OTOG: variants seen among roughly 807,000 people sequenced by gnomAD.
OTOG encodes the protein otogelin.
OTOG carries 296 observed loss-of-function variants against 313.8 expected under a neutral mutation model. The observed-to-expected ratio is 0.94, with a 90% CI of 0.86 to 1.04. The LOEUF is 1.04. OTOG is among the 50% of genes least tolerant of loss of function. The pLI is 0.00. For synonymous variants in OTOG, 1,533 were observed against 1,554.9 expected (o/e 0.99, Z 0.33); for missense variants, 3,948 against 3,840.1 (o/e 1.03, Z -0.74).
intron 53 of OTOG, among the ~76,000 whole-genome samples, chr11:17,642,790 A>C (rs1355104507): frequency 6.6e-6 from 1 of 152,198 alleles, no homozygotes; most frequent in Non-Finnish European, 1.5e-5. Context: ...AATAGTGGAC[A>C]TTTGAAGATT....
chr11:17,638,522 G>A lies in OTOG; in HGVS notation c.7867G>A (p.Asp2623Asn), dbSNP rs183470913. The A allele has an allele frequency of 4.5e-4, 698 of 1,550,386 alleles. 5 individuals carry two copies. In the African/African-American group the frequency reaches 8.5e-3, roughly 19 times the overall value. The change falls in exon 48 of 56, where the codon GAC becomes AAC. Residue 2623 changes from aspartate (D) to asparagine (N), a missense_variant. Physicochemically the swap from Asp to Asn is conservative, Grantham distance 23. Coordinates refer to ENST00000399397, the MANE Select transcript of OTOG (RefSeq NM_001292063.2). ...GTALVEVWSP[D>N]RCCPYKSCEC... ...TGCCCTGGTGGAGGTGTGGAGCCCC[G>A]ACCGCTGCTGCCCCTACAAATCCTG...
chr11:17,603,203 G>A (rs552410434), intron 32 of OTOG, among the ~76,000 whole-genome samples: 4 of 152,238 alleles, frequency 2.6e-5, no homozygotes, highest in African/African-American at 7.2e-5. Context: ...GCAGAATCAC[G>A]TAGTTGCACA....
At chr11:17,642,277 G>A (rs976346651) in intron 53 of OTOG, 31 bp downstream of exon 53, 5 of 1,531,026 alleles carry the variant, frequency 3.3e-6, no homozygotes, top group Non-Finnish European at 3.5e-6. Flanking sequence ...TGAGGCTGTA[G>A]GCCAGGGGCA....
chr11:17,576,063 A>T (rs1852517423), intron 20 of OTOG, among the ~76,000 whole-genome samples: 1 of 152,226 alleles, frequency 6.6e-6, no homozygotes, highest in East Asian at 1.9e-4. Flanking sequence ...CAATGAGATT[A>T]TGTATGCAGA....
chr11:17,611,593 G>A (rs933531125), intron 36 of OTOG, among the ~76,000 whole-genome samples, 170 bp downstream of exon 36: 8 of 152,236 alleles, frequency 5.3e-5, no homozygotes, highest in African/African-American at 1.7e-4. Flanking sequence ...GCAGGGTTCC[G>A]CCTGGCCCAT....
intron 2 of OTOG, 72 bp from the exon 3 acceptor site, chr11:17,548,080 T>C: frequency 6.9e-7 from 1 of 1,456,962 alleles, no homozygotes. Flanking sequence ...TAGGGTGGGA[T>C]AGGCCAGGGG....
rs574007567 is a variant in OTOG, at chr11:17,553,120, C to G, written c.294C>G (p.Tyr98Ter). ...RLHRAKCAPS[Y>*]LFSCFNGGEC... ...AATGACTCTGTGTCTCCCATGCAGA[C>G]TTGTTCTCCTGCTTCAATGGAGGCG... The change falls in exon 5 of 56, where the codon TAC (tyrosine) becomes TAG (stop). Residue 98 changes from tyrosine (Y) to a stop codon, truncating the protein, a stop_gained and splice_region_variant. Transcript: ENST00000399397. LOFTEE classifies it high-confidence loss of function. The G allele has an allele frequency of 6.1e-5, 95 of 1,550,528 alleles. 1 individual carries two copies. In the East Asian group the frequency reaches 2.2e-3, roughly 36 times the overall value.
Position 17,638,565 on chromosome 11 carries a change from GGACAGCC to G in OTOG, c.7894+17_7894+23del. 1 of 1,548,116 alleles carries G rather than the reference GGACAGCC, an allele frequency of 6.5e-7. No homozygotes were observed. The highest frequency in any genetic ancestry group is 8.7e-7 in the Non-Finnish European group (1 of 1,145,048). On this transcript the variant is annotated intron_variant, in intron 48 of 55. Transcript: ENST00000399397. Reference sequence around the variant, plus strand: ...AAATCCTGTGGTGAGTCCGTGGTCAGGACAGCCTCCCCGCTGGGAGATCCAGTGGCCC... The same window carrying G: ...AAATCCTGTGGTGAGTCCGTGGTCAGTCCCCGCTGGGAGATCCAGTGGCCC...
chr11:17,617,150 A>G (rs1173995759), intron 39 of OTOG, among the ~76,000 whole-genome samples: 1 of 152,136 alleles, frequency 6.6e-6, no homozygotes, highest in Non-Finnish European at 1.5e-5. Flanking sequence ...TAATTTGATG[A>G]ATTACATTGA....
chr11:17,610,031 C>T lies in OTOG; in HGVS notation c.4731C>T (p.Pro1577=), dbSNP rs1368595150. 5.8e-6 allele frequency: 9 copies of T among 1,548,922 alleles called. No individual in the cohort carries two copies. The South Asian group carries it at 1.1e-4, about 18-fold the overall frequency. The change falls in exon 36 of 56, where the codon CCC becomes CCT. Residue 1577 remains proline (P), a synonymous_variant. Coordinates refer to ENST00000399397, the MANE Select transcript of OTOG (RefSeq NM_001292063.2). ...CCCTCCCTGTTGCACTGCAGACACC[C>T]ACACCTGGCATGGTGTCAGGTGCCA... ...SSSLPVALQT[P]TPGMVSGAME... is the part of the protein sequence containing the mutation.
intron 16 of OTOG, 102 bp from the exon 17 acceptor site, chr11:17,570,111 T>G: frequency 9.1e-7 from 1 of 1,097,126 alleles, no homozygotes; most frequent in Admixed American, 2.2e-5. Flanking sequence ...GGGCGAAGAC[T>G]GGGCCGGGCG....
rs1428797637 is a variant in OTOG at position 17,569,152 on chromosome 11, C to T, written c.1645-4C>T. The T allele has an allele frequency of 7.7e-6, 12 of 1,550,490 alleles. 1 individual carries two copies. The Admixed American group carries it at 1.6e-4, about 20-fold the overall frequency. Reference sequence around the variant, plus strand: ...CTGCCCCATTGACCTTTCTATCTCTCCAGAACCAAGATGGAGCCTGTGTCC... The same window carrying T: ...CTGCCCCATTGACCTTTCTATCTCTTCAGAACCAAGATGGAGCCTGTGTCC... On this transcript the variant is annotated splice_region_variant and splice_polypyrimidine_tract_variant and intron_variant, in intron 15 of 55. Coordinates refer to ENST00000399397, the MANE Select transcript of OTOG (RefSeq NM_001292063.2).
At chr11:17,643,923 A>C (rs1456623851) in intron 54 of OTOG, among the ~76,000 whole-genome samples, 1 of 152,336 alleles carries the variant, frequency 6.6e-6, no homozygotes, top group East Asian at 1.9e-4. Context: ...GGTCCCTGAC[A>C]GTCCCCGTTA....
In OTOG at chr11:17,559,610, A is replaced by G. The variant is rs1852134336; in HGVS notation, c.1290A>G (p.Ala430=). Residue 430 remains alanine (A), a synonymous_variant, in exon 12 of 56, where the codon GCA becomes GCG. Coordinates refer to ENST00000399397, the MANE Select transcript of OTOG (RefSeq NM_001292063.2). ...ACCPASCHPR[A]SCVDSEIACV... ...GCCCTGCCTCCTGCCATCCCCGGGC[A>G]TCCTGTGTGGACAGTGAGATCGCCT... The G allele has an allele frequency of 2.6e-6, 4 of 1,550,930 alleles. No homozygotes were observed. Among genetic ancestry groups the G allele is most frequent in the Non-Finnish European group, 2.6e-6 (3 of 1,147,068 alleles).
At chr11:17,591,389 A>G (rs1281201695) in intron 24 of OTOG, 61 bp from the exon 25 acceptor site, 5 of 1,539,600 alleles carry the variant, frequency 3.2e-6, no homozygotes, top group Middle Eastern at 1.7e-4. Context: ...TGGCTCTGTC[A>G]TGAGTATTCA....
At chr11:17,599,726 C>T in intron 31 of OTOG, 29 bp downstream of exon 31, 1 of 1,548,820 alleles carries the variant, frequency 6.5e-7, no homozygotes, top group Non-Finnish European at 8.7e-7. Flanking sequence ...CGCAGAGTCT[C>T]AGGGGCTCAG....
Position 17,631,391 on chromosome 11 carries a change from G to T in OTOG, c.6713-311G>T, listed in dbSNP as rs535063069. Among the ~76,000 whole-genome samples the T allele has an allele frequency of 0.029, 3,842 of 133,726 alleles. 147 individuals are homozygous for T. Among genetic ancestry groups the T allele is most frequent in the African/African-American group, 0.098 (2,868 of 29,388 alleles). 87.7% of individuals were successfully genotyped at this position (133,726 alleles called of 152,430 possible). ...CTCTCTCTCTCTCTGTGTGTGTGTG[G>T]GGGGGGGTATACATTTTTATATGCA... On this transcript the variant is annotated intron_variant, in intron 40 of 55. Transcript: ENST00000399397.
chr11:17,548,740 C>T lies in OTOG; in HGVS notation c.216+528C>T, dbSNP rs551923312. Among the ~76,000 whole-genome samples the T allele has an allele frequency of 2.2e-4, 34 of 151,616 alleles. No individual in the cohort carries two copies. In the South Asian group the frequency reaches 5.7e-3, roughly 25 times the overall value. On this transcript the variant is annotated intron_variant, in intron 3 of 55. Coordinates refer to ENST00000399397, the MANE Select transcript of OTOG (RefSeq NM_001292063.2). ...AGCCTTTTTTTTTCTTTTTTTGAGT[C>T]GGGGTCTTGCTCTGTGACACAGGCT...
intron 46 of OTOG, 55 bp downstream of exon 46, chr11:17,635,242 C>T (rs1013545242): frequency 1.4e-6 from 2 of 1,408,698 alleles, no homozygotes; most frequent in African/African-American, 2.9e-5. Flanking sequence ...GTCCGCCGGC[C>T]TCACCCCTGT....
Sources: gnomAD v4.1 joint callset for allele counts (sites outside exome capture counted in the v4.1 genomes callset) on GRCh38, gnomAD v4.1.1 for gene constraint, MANE v1.5 for transcripts, NCBI Gene and HGNC (gene_info 2026-07-23, HGNC 2026-07-21) for gene names.